Variants in ABCC8 observed in about 807,000 individuals in gnomAD.
The protein encoded by ABCC8 is ATP-binding cassette sub-family C member 8.
A neutral mutation model predicts 188.0 loss-of-function variants in ABCC8; 137 were observed. The observed-to-expected ratio is 0.73, with a 90% CI of 0.63 to 0.84. The LOEUF is 0.84. Among genes scored for constraint, ABCC8 ranks in the 40% least tolerant of loss-of-function variants. ABCC8 has a pLI of 0.00. For synonymous variants in ABCC8, 797 were observed against 846.5 expected, an observed-to-expected ratio of 0.94 and a Z score of 1.01; for missense variants, 1,750 against 2,072.7, an observed-to-expected ratio of 0.84 and a Z score of 3.02.
intron 16 of ABCC8, among the ~76,000 whole-genome samples, chr11:17,419,118 C>T (rs1481624556): frequency 2.6e-5 from 4 of 152,226 alleles, no homozygotes; most frequent in African/African-American, 9.6e-5. Flanking sequence ...CCCAAGCCTC[C>T]TCCAGTGAGC....
chr11:17,446,599 A>C (rs2133609711), intron 8 of ABCC8, among the ~76,000 whole-genome samples: 2 of 152,312 alleles, frequency 1.3e-5, no homozygotes, highest in African/African-American at 4.8e-5. Context: ...TGTGCATAAA[A>C]GGTTGGTTGG....
chr11:17,443,349 G>A (rs1010686404), intron 8 of ABCC8, 37 bp from the exon 9 acceptor site: 3 of 1,613,528 alleles, frequency 1.9e-6, no homozygotes, highest in South Asian at 1.1e-5. Context: ...CCTTTGACCT[G>A]ATGGTTGCCC....
intron 22 of ABCC8, 34 bp downstream of exon 22, chr11:17,410,482 C>A (rs781404977): frequency 3.7e-6 from 6 of 1,610,998 alleles, no homozygotes; most frequent in South Asian, 2.2e-5. Flanking sequence ...CCCAGCCCTG[C>A]CCCCTATAGC....
intron 6 of ABCC8, among the ~76,000 whole-genome samples, chr11:17,455,397 G>A (rs1285461900): frequency 6.6e-6 from 1 of 152,166 alleles, no homozygotes; most frequent in African/African-American, 2.4e-5. Context: ...GTCGGTATTT[G>A]TGCATTTTTA....
At position 17,415,316 on chromosome 11, in the gene ABCC8, T is replaced by G. The variant is rs1470844693; in HGVS notation, c.2279A>C (p.Asp760Ala). ...DPSPERETAT[D>A]LDIRKRGPVA... ...CAGGACGCAGTACCTGATATCCAAG[T>G]CGGTCGCTGTCTCCCGCTCTGGGCT... Residue 760 changes from aspartate to alanine, a missense_variant, in exon 18 of 39, where the codon GAC becomes GCC. By Grantham distance (126) the Asp-to-Ala change is moderately radical. Coordinates refer to ENST00000389817, the MANE Select transcript of ABCC8 (RefSeq NM_000352.6). 6.2e-7 allele frequency: 1 copy of G among 1,610,148 alleles called. No individual in the cohort carries two copies. The highest frequency in any genetic ancestry group is 8.5e-7 in the Non-Finnish European group (1 of 1,178,904).
chr11:17,445,640 G>A (rs1956495103), intron 8 of ABCC8, among the ~76,000 whole-genome samples: 1 of 152,252 alleles, frequency 6.6e-6, no homozygotes, highest in Admixed American at 6.5e-5. Flanking sequence ...TCTTTGCCAT[G>A]GGGCTGGGAT....
rs537814475 is a variant in ABCC8, at chr11:17,425,294, G to A, written c.2222+1755C>T. Reference sequence around the variant, plus strand: ...CTAGCCCACGACCCCACTGAGGAGGGAAATTTGCCATCTTTTGGATACACC... The same window carrying A: ...CTAGCCCACGACCCCACTGAGGAGGAAAATTTGCCATCTTTTGGATACACC... On this transcript the variant is annotated intron_variant, in intron 16 of 38. Transcript: ENST00000389817. Among the ~76,000 whole-genome samples the A allele has an allele frequency of 1.1e-4, 17 of 152,312 alleles. No individual in the cohort carries two copies. The South Asian group carries it at 3.5e-3, about 32-fold the overall frequency.
rs1956404319 is a variant in ABCC8, at chr11:17,443,435, A to G, written c.1333-123T>C. The stretch of plus-strand genomic sequence containing the variant: ...ACAAGCCTTGGTGCCCAGGTTTCCA[A>G]ATTATCTTGGGGAGTGGAGTGCAGG... On this transcript the variant is annotated intron_variant, in intron 8 of 38. Coordinates refer to ENST00000389817, the MANE Select transcript of ABCC8 (RefSeq NM_000352.6). 4 of 1,551,218 alleles carry G rather than the reference A, an allele frequency of 2.6e-6. No individual in the cohort carries two copies. The Admixed American group carries it at 7.2e-5, about 28-fold the overall frequency.
At chr11:17,461,540 C>G (rs1957186748) in intron 5 of ABCC8, 43 bp downstream of exon 5, 3 of 1,613,186 alleles carry the variant, frequency 1.9e-6, no homozygotes, top group Admixed American at 1.7e-5. Context: ...TGACCCTAAA[C>G]CAGAAGGCAG....
intron 12 of ABCC8, 84 bp downstream of exon 12, chr11:17,430,730 T>C: frequency 2.1e-6 from 3 of 1,454,640 alleles, no homozygotes; most frequent in Non-Finnish European, 2.9e-6. Flanking sequence ...ACCAAACAGC[T>C]GTGGTTTGGC....
intron 20 of ABCC8, chr11:17,412,962 A>G: frequency 1.9e-6 from 2 of 1,033,670 alleles, no homozygotes; most frequent in Non-Finnish European, 2.7e-6. Flanking sequence ...TTCATTGTGT[A>G]GGCGCTAGGG....
intron 29 of ABCC8, among the ~76,000 whole-genome samples, chr11:17,400,629 G>A (rs1032720785): frequency 6.6e-6 from 1 of 152,210 alleles, no homozygotes; most frequent in African/African-American, 2.4e-5. Flanking sequence ...CCAGTGCTGG[G>A]CACTCTTGAA....
chr11:17,442,992 G>T (rs1038955411), intron 9 of ABCC8, 110 bp from the exon 10 acceptor site: 26 of 1,567,122 alleles, frequency 1.7e-5, no homozygotes, highest in Middle Eastern at 1.8e-4. Flanking sequence ...TGTCCTCACC[G>T]GGAGGCAGCC....
Position 17,428,361 on chromosome 11 carries a change from A to G in ABCC8, c.1968T>C (p.Cys656=). The stretch of plus-strand genomic sequence containing the variant: ...TCTGCAGTGGGCCGGTGAGGCCCCG[A>G]CAATCCTCCCGGGCTGGACGCTTGC... ...VNRKRPARED[C]RGLTGPLQSL... is the part of the protein sequence containing the mutation. Residue 656 remains cysteine (C), a synonymous_variant, in exon 14 of 39, where the codon TGT becomes TGC. Coordinates refer to ENST00000389817, the MANE Select transcript of ABCC8 (RefSeq NM_000352.6). 1 of 1,614,148 alleles carries G rather than the reference A, an allele frequency of 6.2e-7. No individual in the cohort carries two copies. The highest frequency in any genetic ancestry group is 8.5e-7 in the Non-Finnish European group (1 of 1,180,008).
chr11:17,421,054 T>G lies in ABCC8; in HGVS notation c.2223-4092A>C, dbSNP rs141882102. Among the ~76,000 whole-genome samples the G allele has an allele frequency of 1.6e-3, 237 of 152,338 alleles. 8 individuals carry two copies. In the East Asian group the frequency reaches 0.042, roughly 27 times the overall value. On this transcript the variant is annotated intron_variant, in intron 16 of 38. Coordinates refer to ENST00000389817, the MANE Select transcript of ABCC8 (RefSeq NM_000352.6). The stretch of plus-strand genomic sequence containing the variant: ...AAGCTCGGGGCTGCATCTGCAGGAC[T>G]TCAGCAGATGGACCCTTTGTGCCCA...
chr11:17,406,275 T>C (rs2077144), intron 26 of ABCC8, among the ~76,000 whole-genome samples: 117,526 of 152,016 alleles, frequency 0.77, 46,338 homozygotes, highest in African/African-American at 0.94. Flanking sequence ...GGAGAGAGAG[T>C]GAGGGGAGGG....
chr11:17,424,645 G>T (rs1955503531), intron 16 of ABCC8, among the ~76,000 whole-genome samples: 1 of 152,182 alleles, frequency 6.6e-6, no homozygotes, highest in African/African-American at 2.4e-5. Context: ...TGCTGAGCAG[G>T]TCAAGGCAGG....
At position 17,406,896 on chromosome 11, in the gene ABCC8, G is replaced by A. The variant is rs959641156; in HGVS notation, c.3154C>T (p.Leu1052Phe). The part of the protein sequence containing the change: ...TLTPAARNCS[L>F]SQECTLDQTV... ...TGGGCCGCCAGTCACACCTGGCTGA[G>A]GGAGCAGTTCCTGGCTGCAGGGGTC... The change falls in exon 25 of 39, where the codon CTC (leucine) becomes TTC (phenylalanine). Residue 1052 changes from leucine (L) to phenylalanine (F), a missense_variant. Transcript: ENST00000389817. The A allele has an allele frequency of 3.0e-5, 48 of 1,614,032 alleles. No homozygotes were observed. Among genetic ancestry groups the A allele is most frequent in the Non-Finnish European group, 3.9e-5 (46 of 1,180,060 alleles).
intron 8 of ABCC8, among the ~76,000 whole-genome samples, chr11:17,447,869 A>G (rs981178521): frequency 1.3e-5 from 2 of 152,256 alleles, no homozygotes; most frequent in African/African-American, 4.8e-5. Context: ...AGAAACACAT[A>G]AAGAAAATAA....
Sources: gnomAD v4.1 joint callset for allele counts (sites outside exome capture counted in the v4.1 genomes callset) on GRCh38, gnomAD v4.1.1 for gene constraint, MANE v1.5 for transcripts, NCBI Gene and HGNC (gene_info 2026-07-23, HGNC 2026-07-21) for gene names.